The following PCDH11X variants were observed in gnomAD, a reference collection of about 807,000 sequenced individuals.
PCDH11X encodes protocadherin-11 X-linked.
A neutral mutation model predicts 53.3 loss-of-function variants in PCDH11X; 18 were observed. The ratio of observed to expected loss-of-function variants is 0.34; its 90% confidence interval spans 0.23 to 0.50. PCDH11X has a LOEUF of 0.50. PCDH11X is among the 20% of genes least tolerant of loss of function. PCDH11X has a pLI of 0.98. For synonymous variants in PCDH11X, 279 were observed against 393.3 expected (o/e 0.71, Z 3.44); for missense variants, 570 against 1,032.4 (o/e 0.55, Z 6.14).
intron 6 of PCDH11X, among the ~76,000 whole-genome samples, chrX:91,949,137 TA>T (rs754159948): frequency 9.0e-6 from 1 of 110,518 alleles, no homozygotes; most frequent in South Asian, 3.9e-4. Flanking sequence ...AAGAGACTGT[TA>T]TGGAATGGGT....
intron 7 of PCDH11X, among the ~76,000 whole-genome samples, chrX:92,249,919 T>C (rs1256367112): frequency 8.9e-6 from 1 of 111,781 alleles, no homozygotes; most frequent in Non-Finnish European, 1.9e-5. Flanking sequence ...CGTCCCATGA[T>C]ATTGTGTCTC....
chrX:92,287,190 C>CT (rs1215984614), intron 8 of PCDH11X, among the ~76,000 whole-genome samples: 3 of 111,250 alleles, frequency 2.7e-5, no homozygotes, highest in African/African-American at 9.8e-5. Context: ...TTGTATTTTA[C>CT]TTTAAGTTTC....
At chrX:92,204,495 C>T (rs1028864865) in intron 7 of PCDH11X, among the ~76,000 whole-genome samples, 2 of 111,900 alleles carry the variant, frequency 1.8e-5, no homozygotes, top group African/African-American at 6.5e-5. Context: ...ACAAGTTCCT[C>T]ATCTCCATCT....
At chrX:91,853,130 T>C (rs1938124852) in intron 5 of PCDH11X, among the ~76,000 whole-genome samples, 2 of 108,638 alleles carry the variant, frequency 1.8e-5, no homozygotes, top group South Asian at 4.0e-4. Flanking sequence ...AACAAATTCA[T>C]AATATGTTAT....
intron 5 of PCDH11X, among the ~76,000 whole-genome samples, chrX:91,842,344 G>T (rs940972096): frequency 8.2e-5 from 9 of 109,931 alleles, no homozygotes; most frequent in Non-Finnish European, 1.5e-4. Flanking sequence ...AAATAACGCA[G>T]AACTTAATTT....
At chrX:91,919,787 TA>T (rs202002974) in intron 6 of PCDH11X, among the ~76,000 whole-genome samples, 2,318 of 111,388 alleles carry the variant, frequency 0.021, 69 homozygotes, top group African/African-American at 0.072. Context: ...AAAAAGAAAG[TA>T]AAAAAAATGA....
At chrX:92,329,610 T>C (rs1296621674) in intron 8 of PCDH11X, among the ~76,000 whole-genome samples, 2 of 111,347 alleles carry the variant, frequency 1.8e-5, no homozygotes, top group Non-Finnish European at 3.8e-5. Flanking sequence ...ATGAAGAAAA[T>C]GTGGCACATA....
At chrX:92,040,013 G>A (rs2063186114) in intron 6 of PCDH11X, among the ~76,000 whole-genome samples, 1 of 108,790 alleles carries the variant, frequency 9.2e-6, no homozygotes, top group Non-Finnish European at 1.9e-5. Context: ...TAGAAATAGG[G>A]ACCTCACAAC....
intron 7 of PCDH11X, among the ~76,000 whole-genome samples, chrX:92,208,536 T>TATATATATAC (rs1408059749): frequency 3.7e-5 from 3 of 80,096 alleles, no homozygotes; most frequent in African/African-American, 1.5e-4. Context: ...TATATATATA[T>TATATATATAC]ACAATTTTTT....
intron 10 of PCDH11X, among the ~76,000 whole-genome samples, chrX:92,503,938 C>T (rs2074005802): frequency 9.9e-6 from 1 of 101,158 alleles, no homozygotes; most frequent in African/African-American, 3.6e-5. Context: ...TCTGGGCACC[C>T]AGGTTCAGAA....
chrX:92,036,478 G>A (rs138346453), intron 6 of PCDH11X, among the ~76,000 whole-genome samples: 218 of 109,338 alleles, frequency 2.0e-3, no homozygotes, highest in African/African-American at 7.0e-3. Context: ...TTTAAAAATG[G>A]GAGTTTGCCT....
intron 6 of PCDH11X, among the ~76,000 whole-genome samples, chrX:91,924,602 C>A (rs1941871349): frequency 1.8e-5 from 2 of 112,014 alleles, no homozygotes; most frequent in Admixed American, 1.9e-4. Flanking sequence ...AAGCCATATG[C>A]ATAATTTATC....
intron 9 of PCDH11X, among the ~76,000 whole-genome samples, chrX:92,389,556 C>T (rs906174907): frequency 9.0e-6 from 1 of 111,041 alleles, no homozygotes; most frequent in Non-Finnish European, 1.9e-5. Context: ...AGAGTAAACT[C>T]AGAGTAAGCA....
intron 6 of PCDH11X, among the ~76,000 whole-genome samples, chrX:92,056,163 A>G (rs1258322048): frequency 9.0e-6 from 1 of 111,681 alleles, no homozygotes; most frequent in African/African-American, 3.3e-5. Flanking sequence ...AACAGTATAT[A>G]AGAATTCCTT....
chrX:92,419,651 C>G (rs1258199671), intron 9 of PCDH11X, among the ~76,000 whole-genome samples: 1 of 86,890 alleles, frequency 1.2e-5, no homozygotes, highest in African/African-American at 4.2e-5. Context: ...TTCTGTTTCT[C>G]TCTCCCCTCC....
intron 4 of PCDH11X, among the ~76,000 whole-genome samples, chrX:91,826,145 A>G (rs1936916481): frequency 8.9e-6 from 1 of 111,790 alleles, no homozygotes; most frequent in Non-Finnish European, 1.9e-5. Flanking sequence ...ATGTATTAAG[A>G]CACAGTTGAA....
At chrX:92,034,709 C>G (rs1228197761) in intron 6 of PCDH11X, among the ~76,000 whole-genome samples, 9 of 109,562 alleles carry the variant, frequency 8.2e-5, no homozygotes, top group Non-Finnish European at 1.7e-4. Flanking sequence ...CTGTTTTATG[C>G]CTTTTGATTG....
chrX:92,409,868 C>A (rs1433620675), intron 9 of PCDH11X, among the ~76,000 whole-genome samples: 2 of 111,774 alleles, frequency 1.8e-5, no homozygotes, highest in Non-Finnish European at 1.9e-5. Flanking sequence ...ACTAAAAAAT[C>A]AATGCCAAGA....
At position 91,892,628 on chromosome X, in the gene PCDH11X, C is replaced by T. The variant is rs374500588; in HGVS notation, c.3033+13355C>T. On this transcript the variant is annotated intron_variant, in intron 6 of 10. Coordinates refer to ENST00000682573, the MANE Select transcript of PCDH11X (RefSeq NM_032968.5). ...AGGACTTTTTTTTTTGTTAAGACAC[C>T]GCTGCAAGGACAAAAACAAAAATAA... Among the ~76,000 whole-genome samples, 12 of 110,098 alleles carry T rather than the reference C, an allele frequency of 1.1e-4. No individual in the cohort carries two copies. In the East Asian group the frequency reaches 2.9e-3, roughly 26 times the overall value.
Sources: gnomAD v4.1 joint callset for allele counts (sites outside exome capture counted in the v4.1 genomes callset) on GRCh38, gnomAD v4.1.1 for gene constraint, MANE v1.5 for transcripts, NCBI Gene and HGNC (gene_info 2026-07-23, HGNC 2026-07-21) for gene names.